SFMBT2: variants seen among roughly 807,000 people sequenced by gnomAD.
The protein encoded by SFMBT2 is Scm like with four mbt domains 2.
A neutral mutation model predicts 110.1 loss-of-function variants in SFMBT2; 38 were observed. That is an observed-to-expected ratio of 0.35 (90% CI 0.27 to 0.45). SFMBT2 has a LOEUF of 0.45. Ranked by LOEUF, SFMBT2 falls within the 20% of genes least tolerant of loss-of-function variation. SFMBT2 has a pLI of 1.00. For missense variants in SFMBT2, 1,011 were observed against 1,094.9 expected, an observed-to-expected ratio of 0.92 and a Z score of 1.08; for synonymous variants, 425 against 425.4, an observed-to-expected ratio of 1.00 and a Z score of 0.01.
chr10:7,177,472 G>A (rs1355103535), intron 16 of SFMBT2, among the ~76,000 whole-genome samples: 4 of 152,090 alleles, frequency 2.6e-5, no homozygotes, highest in African/African-American at 4.8e-5. Context: ...CATAACCCCC[G>A]ATAGGACTGT....
At chr10:7,323,596 GAAGT>G (rs1445946290) in intron 4 of SFMBT2, among the ~76,000 whole-genome samples, 1 of 151,898 alleles carries the variant, frequency 6.6e-6, no homozygotes, top group Non-Finnish European at 1.5e-5. Flanking sequence ...TTTTCAATCT[GAAGT>G]ATGTTGAAAT....
At chr10:7,356,985 A>G (rs1399523496) in intron 4 of SFMBT2, among the ~76,000 whole-genome samples, 2 of 152,196 alleles carry the variant, frequency 1.3e-5, no homozygotes, top group Non-Finnish European at 2.9e-5. Flanking sequence ...TGACATTTAT[A>G]CTTTCACAGC....
chr10:7,340,388 G>C (rs773959727), intron 4 of SFMBT2, among the ~76,000 whole-genome samples: 1 of 152,072 alleles, frequency 6.6e-6, no homozygotes, highest in Admixed American at 6.5e-5. Flanking sequence ...AATTCGTGTT[G>C]TTCAAGGGTC....
At chr10:7,197,916 T>G in intron 14 of SFMBT2, 20 of 945,108 alleles carry the variant, frequency 2.1e-5, no homozygotes, top group Non-Finnish European at 2.5e-5. Flanking sequence ...ACACTCTAGT[T>G]CCAAATCGTG....
intron 11 of SFMBT2, among the ~76,000 whole-genome samples, chr10:7,218,133 T>A (rs764253523): frequency 6.6e-5 from 10 of 152,182 alleles, no homozygotes; most frequent in Non-Finnish European, 1.3e-4. Context: ...AATAAAATTG[T>A]TACAAAGTAC....
chr10:7,347,119 T>A (rs555595199), intron 4 of SFMBT2, among the ~76,000 whole-genome samples: 2 of 152,234 alleles, frequency 1.3e-5, no homozygotes, highest in African/African-American at 2.4e-5. Flanking sequence ...AGCCTCCCCA[T>A]CCCAGGGATT....
chr10:7,331,658 T>A (rs1843561950), intron 4 of SFMBT2, among the ~76,000 whole-genome samples: 1 of 151,992 alleles, frequency 6.6e-6, no homozygotes. Flanking sequence ...TGCAAGCTAG[T>A]CACATCCACT....
chr10:7,315,036 A>G (rs866685308), intron 4 of SFMBT2, among the ~76,000 whole-genome samples: 36 of 79,446 alleles, frequency 4.5e-4, no homozygotes, highest in African/African-American at 1.4e-3. Flanking sequence ...GAAAGAAAGA[A>G]AGAGAAAGAA....
At chr10:7,328,082 C>A (rs900596847) in intron 4 of SFMBT2, among the ~76,000 whole-genome samples, 1 of 152,244 alleles carries the variant, frequency 6.6e-6, no homozygotes, top group Non-Finnish European at 1.5e-5. Flanking sequence ...CATGGGATCA[C>A]ACCACTAGCA....
chr10:7,200,811 A>G (rs1290205735), intron 13 of SFMBT2: 1 of 159,776 alleles, frequency 6.3e-6, no homozygotes, highest in Non-Finnish European at 1.3e-5. Flanking sequence ...TTATATTTTA[A>G]ACATGAAGAA....
chr10:7,278,379 C>T lies in SFMBT2; in HGVS notation c.773-1390G>A, dbSNP rs1038431713. Among the ~76,000 whole-genome samples, 25 of 152,204 alleles carry T rather than the reference C, an allele frequency of 1.6e-4. No homozygotes were observed. The South Asian group carries it at 2.7e-3, about 16-fold the overall frequency. ...CCCCCTGCAAGCTGCTCCATGAGAG[C>T]GAGAGGGATACCTGTGCACTCAGGC... On this transcript the variant is annotated intron_variant, in intron 6 of 20. Transcript: ENST00000397167.
intron 7 of SFMBT2, among the ~76,000 whole-genome samples, chr10:7,253,149 C>G (rs978698211): frequency 1.3e-5 from 2 of 152,178 alleles, no homozygotes; most frequent in African/African-American, 4.8e-5. Context: ...CCTGGGACCC[C>G]CTTCCAGCCC....
chr10:7,327,454 G>A (rs1843423077), intron 4 of SFMBT2, among the ~76,000 whole-genome samples: 1 of 152,106 alleles, frequency 6.6e-6, no homozygotes, highest in Non-Finnish European at 1.5e-5. Flanking sequence ...GCCAAGGTGG[G>A]CAGATCACTT....
intron 11 of SFMBT2, chr10:7,207,621 AGAATT>A: frequency 3.0e-6 from 3 of 984,424 alleles, no homozygotes; most frequent in Non-Finnish European, 3.6e-6. Flanking sequence ...TAACATCTGA[AGAATT>A]CTGAATCACA....
chr10:7,360,638 CTT>C lies in SFMBT2; in HGVS notation c.436+7009_436+7010del, dbSNP rs1300532615. ...AAGGGTTTTGATTCACAGCAGGACTCTTTTATGATGTGATGTGTAAATGATAG... is the reference window on the plus strand; with the variant it reads ...AAGGGTTTTGATTCACAGCAGGACTCTTATGATGTGATGTGTAAATGATAG... On this transcript the variant is annotated intron_variant, in intron 4 of 20. Transcript: ENST00000397167. Among the ~76,000 whole-genome samples, 4 of 152,266 alleles carry C rather than the reference CTT, an allele frequency of 2.6e-5. No homozygotes were observed. In the East Asian group the frequency reaches 7.7e-4, roughly 29 times the overall value.
chr10:7,275,522 GAA>G (rs576844902), intron 7 of SFMBT2, among the ~76,000 whole-genome samples: 4,852 of 152,110 alleles, frequency 0.032, 252 homozygotes, highest in African/African-American at 0.11. Flanking sequence ...ACAAAGAGGA[GAA>G]GAGAGAAAGA....
At chr10:7,380,739 C>T (rs918808679) in intron 2 of SFMBT2, among the ~76,000 whole-genome samples, 1 of 151,922 alleles carries the variant, frequency 6.6e-6, no homozygotes, top group Non-Finnish European at 1.5e-5. Context: ...TTTATAACTT[C>T]ATTAGTTAAA....
At position 7,202,475 on chromosome 10, in the gene SFMBT2, C is replaced by T. The variant is rs1227898181; in HGVS notation, c.1487+5G>A. On this transcript the variant is annotated splice_donor_5th_base_variant and intron_variant, in intron 13 of 20. Coordinates refer to ENST00000397167, the MANE Select transcript of SFMBT2 (RefSeq NM_001387889.1). ...GTGTAGTCTGGAGGGGAAAAAAGCA[C>T]GTACTGTTTCTCTGGTTGCACGACT... 2.5e-6 allele frequency: 4 copies of T among 1,614,020 alleles called. No homozygotes were observed. Among genetic ancestry groups the T allele is most frequent in the African/African-American group, 1.3e-5 (1 of 74,920 alleles).
intron 1 of SFMBT2, among the ~76,000 whole-genome samples, chr10:7,391,822 C>T (rs1447668648): frequency 1.3e-5 from 2 of 152,056 alleles, no homozygotes; most frequent in African/African-American, 4.8e-5. Flanking sequence ...ATTCGGAATT[C>T]CAATCCATTT....
Sources: allele counts gnomAD v4.1 joint callset (sites outside exome capture counted in the v4.1 genomes callset), GRCh38; gene constraint gnomAD v4.1.1; transcripts MANE v1.5; gene names NCBI Gene and HGNC (gene_info 2026-07-23, HGNC 2026-07-21).